HCN2: variants seen among roughly 807,000 people sequenced by gnomAD.
HCN2 encodes the protein hyperpolarization activated cyclic nucleotide gated potassium and sodium channel 2.
A neutral mutation model predicts 52.3 loss-of-function variants in HCN2; 20 were observed. The observed-to-expected ratio is 0.38, with a 90% CI of 0.27 to 0.56. The LOEUF is 0.56. Ranked by LOEUF, HCN2 falls within the 20% of genes least tolerant of loss-of-function variation. HCN2 has a pLI of 0.71. For synonymous variants in HCN2, 694 were observed against 537.0 expected, an observed-to-expected ratio of 1.29 and a Z score of -4.04; for missense variants, 981 against 1,207.7, an observed-to-expected ratio of 0.81 and a Z score of 2.78.
chr19:607,272 C>T (rs1297402992), intron 3 of HCN2, among the ~76,000 whole-genome samples: 3 of 152,240 alleles, frequency 2.0e-5, no homozygotes, highest in Non-Finnish European at 2.9e-5. Context: ...AGCCCTCGGC[C>T]GCTACAGTCA....
intron 1 of HCN2, 90 bp from the exon 2 acceptor site, chr19:603,454 C>T: frequency 9.6e-7 from 1 of 1,038,244 alleles, no homozygotes; most frequent in South Asian, 1.6e-5. Context: ...GTGTGGGCGC[C>T]CCTCGTCCCC....
intron 5 of HCN2, 124 bp from the exon 6 acceptor site, chr19:613,124 G>T (rs560397358): frequency 3.8e-6 from 5 of 1,313,358 alleles, no homozygotes; most frequent in Non-Finnish European, 5.1e-6. Context: ...TTCCGGCTAC[G>T]GGGCTGAGCC....
intron 1 of HCN2, among the ~76,000 whole-genome samples, chr19:597,132 C>T (rs1168897108): frequency 1.3e-5 from 2 of 152,242 alleles, no homozygotes; most frequent in African/African-American, 2.4e-5. Context: ...AGGGTGGCCA[C>T]CCCACCTGTC....
Position 613,147 on chromosome 19 carries a change from G to A in HCN2, c.1585-101G>A, listed in dbSNP as rs970040613. The A allele has an allele frequency of 2.8e-6, 4 of 1,431,244 alleles. No individual in the cohort carries two copies. In the Admixed American group the frequency reaches 8.6e-5, roughly 31 times the overall value. 88.7% of individuals were successfully genotyped at this position (1,431,244 alleles called of 1,614,324 possible). A position where few individuals can be genotyped will look rare whatever the true frequency, so the allele number is the denominator to read the frequency against. The stretch of plus-strand genomic sequence containing the variant: ...ACGGGGCTGAGCCCGTCTCTCAGAC[G>A]AGGAAACTGGGGTCCGAGAGGTGAG... On this transcript the variant is annotated intron_variant, in intron 5 of 7. Transcript: ENST00000251287.
At chr19:607,798 C>A (rs1403600152) in intron 3 of HCN2, among the ~76,000 whole-genome samples, 166 bp from the exon 4 acceptor site, 1 of 152,226 alleles carries the variant, frequency 6.6e-6, no homozygotes, top group African/African-American at 2.4e-5. Context: ...GACAAGTGTG[C>A]AAACCATGTC....
intron 2 of HCN2, 107 bp from the exon 3 acceptor site, chr19:604,954 G>T: frequency 2.4e-6 from 3 of 1,234,612 alleles, no homozygotes; most frequent in South Asian, 2.9e-5. Flanking sequence ...CCTTGGATTT[G>T]GGGGAGGGGG....
chr19:612,580 A>AT lies in HCN2; in HGVS notation c.1585-662dup, dbSNP rs536646789. On this transcript the variant is annotated intron_variant, in intron 5 of 7. Transcript: ENST00000251287. ...AGGCACCCGCCACCACACCCAGCTA[A>AT]TTTTTTGTATTTTTAGTAGAGATGG... Among the ~76,000 whole-genome samples the AT allele has an allele frequency of 1.1e-3, 165 of 151,828 alleles. 2 individuals carry two copies. In the South Asian group the frequency reaches 0.033, roughly 30 times the overall value.
chr19:613,852 A>G lies in HCN2; in HGVS notation c.1826A>G (p.Glu609Gly). 1 of 1,573,302 alleles carries G rather than the reference A, an allele frequency of 6.4e-7. No individual in the cohort carries two copies. The highest frequency in any genetic ancestry group is 8.6e-7 in the Non-Finnish European group (1 of 1,162,726). The change falls in exon 7 of 8, where the codon GAG (glutamate) becomes GGG (glycine). Residue 609 changes from glutamate to glycine, a missense_variant and splice_region_variant. By Grantham distance (98) the Glu-to-Gly change is moderately conservative. Around this residue, in one of 6 missense-constraint regions of HCN2, gnomAD observed 85 missense variants for 106.1 expected, o/e 0.80. Coordinates refer to ENST00000251287, the MANE Select transcript of HCN2 (RefSeq NM_001194.4). ...ACCCCCCCCTGCGCGCCACGTGCAGAGATCTGCCTGCTCACCCGGGGCCGC... is the reference window on the plus strand; with the variant it reads ...ACCCCCCCCTGCGCGCCACGTGCAGGGATCTGCCTGCTCACCCGGGGCCGC... ...MKLSDGSYFG[E>G]ICLLTRGRRT...
rs765861557 is a variant in HCN2, at chr19:613,694, G to GCACC, written c.1826-158_1826-157insCACC. Among the ~76,000 whole-genome samples, 9 of 137,302 alleles carry GCACC rather than the reference G, an allele frequency of 6.6e-5. 2 individuals are homozygous for GCACC. Among genetic ancestry groups the GCACC allele is most frequent in the Non-Finnish European group, 1.1e-4 (7 of 62,362 alleles). The allele number at this position is 137,302 out of a possible 152,430, so 90.1% of individuals were successfully genotyped here. A position where few individuals can be genotyped will look rare whatever the true frequency, so the allele number is the denominator to read the frequency against. ...GGGGATGGGGCCGGGGATGGGGCCG[G>GCACC]GGATGGGGCCGGGGATGGGGCCGGG... On this transcript the variant is annotated intron_variant, in intron 6 of 7. Transcript: ENST00000251287.
intron 6 of HCN2, among the ~76,000 whole-genome samples, 156 bp downstream of exon 6, chr19:613,644 T>TGGGGCC (rs1983756568): frequency 1.0e-4 from 1 of 9,842 alleles, no homozygotes; most frequent in East Asian, 4.1e-3. Context: ...GGGCCGGGGA[T>TGGGGCC]GGGGATGGGG....
chr19:604,842 A>G (rs1983362123), intron 2 of HCN2, among the ~76,000 whole-genome samples: 2 of 38,356 alleles, frequency 5.2e-5, no homozygotes, highest in Admixed American at 3.3e-4. Context: ...TCCTGCAGTG[A>G]AGGCTGTAGA....
chr19:615,757 C>A, intron 7 of HCN2, 38 bp from the exon 8 acceptor site: 1 of 1,601,712 alleles, frequency 6.2e-7, no homozygotes, highest in Non-Finnish European at 8.5e-7. Flanking sequence ...ACGCAGCAGG[C>A]GCTCCCTGTG....
intron 1 of HCN2, among the ~76,000 whole-genome samples, chr19:593,493 G>C (rs1480701480): frequency 2.0e-5 from 3 of 152,206 alleles, no homozygotes; most frequent in African/African-American, 7.2e-5. Flanking sequence ...CGTGACGAGC[G>C]CCTGTAATCC....
intron 1 of HCN2, among the ~76,000 whole-genome samples, chr19:599,368 G>A (rs1044973061): frequency 6.6e-5 from 10 of 152,300 alleles, no homozygotes; most frequent in Middle Eastern, 3.4e-3. Flanking sequence ...TGAGCTCCCA[G>A]GTTTTTCTTT....
Position 615,965 on chromosome 19 carries a change from C to T in HCN2, c.2161C>T (p.Pro721Ser). 1 of 1,601,838 alleles carries T rather than the reference C, an allele frequency of 6.2e-7. No individual in the cohort carries two copies. Among genetic ancestry groups the T allele is most frequent in the South Asian group, 1.1e-5 (1 of 90,498 alleles). Residue 721 changes from proline to serine, a missense_variant, in exon 8 of 8, where the codon CCG (proline) becomes TCG (serine). Physicochemically the swap from Pro to Ser is moderately conservative, Grantham distance 74. Around this residue, in one of 6 missense-constraint regions of HCN2, gnomAD observed 368 missense variants for 314.8 expected, o/e 1.17. Transcript: ENST00000251287. Reference sequence around the variant, plus strand: ...CCTCTTCCCGCCGCCGCCGCCGCCGCCGCAGGTCACCTCGGCCATCGCCAC... The same window carrying T: ...CCTCTTCCCGCCGCCGCCGCCGCCGTCGCAGGTCACCTCGGCCATCGCCAC... ...VGLFPPPPPP[P>S]QVTSAIATLQ...
At chr19:596,671 G>A (rs545336332) in intron 1 of HCN2, among the ~76,000 whole-genome samples, 21 of 152,344 alleles carry the variant, frequency 1.4e-4, no homozygotes, top group Admixed American at 1.0e-3. Flanking sequence ...CAGGGTGCCC[G>A]GGGAGTGCTG....
Position 610,347 on chromosome 19 carries a change from A to T in HCN2, c.1526A>T (p.Gln509Leu). 1 of 1,613,790 alleles carries T rather than the reference A, an allele frequency of 6.2e-7. No homozygotes were observed. The highest frequency in any genetic ancestry group is 8.5e-7 in the Non-Finnish European group (1 of 1,179,788). Residue 509 changes from glutamine to leucine, a missense_variant, in exon 5 of 8, where the codon CAG becomes CTG. This residue lies in a region of HCN2 where 282 missense variants were observed against 553.8 expected (regional missense o/e 0.51). Coordinates refer to ENST00000251287, the MANE Select transcript of HCN2 (RefSeq NM_001194.4). Reference protein sequence around the residue: ...KIHDYYEHRYQGKMFDEDSIL... With the variant: ...KIHDYYEHRYLGKMFDEDSIL... ...CACGACTACTATGAGCACCGTTACC[A>T]GGGCAAGATGTTTGACGAGGACAGC...
Position 590,070 on chromosome 19 carries a change from C to A in HCN2, c.125C>A (p.Ala42Glu). Residue 42 changes from alanine to glutamate, a missense_variant, in exon 1 of 8, where the codon GCG becomes GAG. Physicochemically the swap from Ala to Glu is moderately radical, Grantham distance 107. This residue lies in a region of HCN2 where 215 missense variants were observed against 179.4 expected (regional missense o/e 1.20). Coordinates refer to ENST00000251287, the MANE Select transcript of HCN2 (RefSeq NM_001194.4). This position sits in a 1 kb window ranked among gnomAD's most constrained non-coding sequence, Gnocchi z 7.2. ...CAGCCGCCGCCGCCGCCGCCGCCCGCGCCCCCCCCGGGCCCCGGGCCCGCG... is the reference window on the plus strand; with the variant it reads ...CAGCCGCCGCCGCCGCCGCCGCCCGAGCCCCCCCCGGGCCCCGGGCCCGCG... ...QQQPPPPPPPAPPPGPGPAPP... is the reference protein window; with the variant it reads ...QQQPPPPPPPEPPPGPGPAPP... 1 of 613,952 alleles carries A rather than the reference C, an allele frequency of 1.6e-6. No homozygotes were observed. The highest frequency in any genetic ancestry group is 2.0e-6 in the Non-Finnish European group (1 of 499,222). The allele number at this position is 613,952 out of a possible 1,614,324, so 38.0% of individuals were successfully genotyped here.
chr19:605,336 G>C lies in HCN2; in HGVS notation c.1218+114G>C, dbSNP rs1174738404. On this transcript the variant is annotated intron_variant, in intron 3 of 7. Transcript: ENST00000251287. Reference sequence around the variant, plus strand: ...TGAACCCAAGCCTTTCAGAGGTGGGGACCCAGGCGCCCCCTTATGGAGGGG... The same window carrying C: ...TGAACCCAAGCCTTTCAGAGGTGGGCACCCAGGCGCCCCCTTATGGAGGGG... 6.6e-6 allele frequency: 6 copies of C among 907,304 alleles called. 1 individual carries two copies. Among genetic ancestry groups the C allele is most frequent in the South Asian group, 2.1e-5 (1 of 48,672 alleles). 56.2% of individuals were successfully genotyped at this position (907,304 alleles called of 1,614,324 possible).
Sources: gnomAD v4.1 joint callset for allele counts (sites outside exome capture counted in the v4.1 genomes callset) on GRCh38, gnomAD v4.1.1 for gene constraint, gnomAD v4.1.1 regional missense constraint, Gnocchi (gnomAD v3.1) non-coding constraint, MANE v1.5 for transcripts, NCBI Gene and HGNC (gene_info 2026-07-23, HGNC 2026-07-21) for gene names.